EME1: variants seen among roughly 807,000 people sequenced by gnomAD.
The protein encoded by EME1 is structure-specific endonuclease subunit EME1.
Under a neutral mutation model 59.1 loss-of-function variants are expected in EME1, and 61 were observed. The observed-to-expected ratio is 1.03, with a 90% CI of 0.84 to 1.28. The LOEUF (loss-of-function observed/expected upper bound fraction) is 1.28, where lower values mean the gene tolerates loss of function less well. EME1 is among the 50% of genes most tolerant of loss of function. The pLI, the probability that EME1 is intolerant of heterozygous loss-of-function variation, is 0.00. For synonymous variants in EME1, 230 were observed against 254.2 expected, an observed-to-expected ratio of 0.90 and a Z score of 0.90; for missense variants, 635 against 682.6, an observed-to-expected ratio of 0.93 and a Z score of 0.78.
rs1348379223 is a variant in EME1, at chr17:50,381,261, A to G, written c.*322A>G. 7.2e-6 allele frequency: 2 copies of G among 276,700 alleles called. No individual in the cohort carries two copies. The highest frequency in any genetic ancestry group is 1.4e-4 in the East Asian group (2 of 14,000). 17.1% of individuals were successfully genotyped at this position (276,700 alleles called of 1,614,324 possible). ...AGTCCACTCAGACACTTATTTAATA[A>G]CTGTAGAAATCCAAAAGAATTAGCA... is the stretch of plus-strand genomic sequence containing the variant. On this transcript the variant is annotated 3_prime_UTR_variant, in exon 9 of 9. Transcript: ENST00000338165.
chr17:50,378,444 ACT>A (rs892978247), intron 3 of EME1, 149 bp from the exon 4 acceptor site: 2 of 742,716 alleles, frequency 2.7e-6, no homozygotes, highest in African/African-American at 1.7e-5. Flanking sequence ...GGACAGCGAC[ACT>A]GTTTCTTGCC....
Position 50,373,248 on chromosome 17 carries a change from C to A in EME1, c.-54C>A. 1.3e-6 allele frequency: 2 copies of A among 1,579,106 alleles called. No homozygotes were observed. Among genetic ancestry groups the A allele is most frequent in the Non-Finnish European group, 1.7e-6 (2 of 1,156,362 alleles). On this transcript the variant is annotated 5_prime_UTR_variant, in exon 1 of 9. Coordinates refer to ENST00000338165, the MANE Select transcript of EME1 (RefSeq NM_152463.4). ...AGATCTACTTCCGGGCCCTGCGTGG[C>A]AGTTGAAAGAGTGGCGGGAGAAGTT...
At position 50,376,274 on chromosome 17, in the gene EME1, C is replaced by T. The variant is rs1913468214; in HGVS notation, c.903+81C>T. The stretch of plus-strand genomic sequence containing the variant: ...AAATATGCTTTTATTTTAAAGGATA[C>T]TTATCAGGGCCCCAGCAGGAAGACA... On this transcript the variant is annotated intron_variant, in intron 3 of 8. Transcript: ENST00000338165. The T allele has an allele frequency of 5.1e-6, 8 of 1,561,328 alleles. No homozygotes were observed. In the African/African-American group the frequency reaches 8.1e-5, roughly 16 times the overall value.
At chr17:50,379,031 G>T (rs950555948) in intron 5 of EME1, 76 bp from the exon 6 acceptor site, 4 of 1,613,208 alleles carry the variant, frequency 2.5e-6, no homozygotes, top group Non-Finnish European at 3.4e-6. Context: ...GGGATGCTCT[G>T]GTCCAGTCTT....
In EME1 at chr17:50,380,438, A is replaced by G. The variant is rs1913749981; in HGVS notation, c.1473A>G (p.Arg491=). Residue 491 remains arginine, a synonymous_variant, in exon 8 of 9, where the codon CGA becomes CGG. Coordinates refer to ENST00000338165, the MANE Select transcript of EME1 (RefSeq NM_152463.4). ...GGAGACAGATTCAGCAGCTGAACCGAGTCAGCCTGGAAATGGCCAGTGCAG... is the reference window on the plus strand; with the variant it reads ...GGAGACAGATTCAGCAGCTGAACCGGGTCAGCCTGGAAATGGCCAGTGCAG... ...VWRRQIQQLN[R]VSLEMASAVV... 6.2e-7 allele frequency: 1 copy of G among 1,614,038 alleles called. No individual in the cohort carries two copies. Among genetic ancestry groups the G allele is most frequent in the Admixed American group, 1.7e-5 (1 of 60,008 alleles).
chr17:50,373,309 G>A (rs1913258104), intron 1 of EME1, 32 bp downstream of exon 1: 1 of 1,189,272 alleles, frequency 8.4e-7, no homozygotes, highest in Non-Finnish European at 1.2e-6. Flanking sequence ...CCTGCGGATT[G>A]GGCAGGGCTT....
intron 8 of EME1, 34 bp downstream of exon 8, chr17:50,380,535 A>G: frequency 1.2e-6 from 2 of 1,604,770 alleles, no homozygotes; most frequent in Non-Finnish European, 1.7e-6. Flanking sequence ...GTCACTGCCC[A>G]TTGCCTGCGG....
chr17:50,374,817 G>A (rs756681425), intron 1 of EME1, among the ~76,000 whole-genome samples: 6 of 151,804 alleles, frequency 4.0e-5, no homozygotes, highest in Admixed American at 1.3e-4. Context: ...GCACTCCAAC[G>A]TGGGTGCCAG....
intron 1 of EME1, 105 bp downstream of exon 1, chr17:50,373,382 A>G: frequency 1.6e-6 from 1 of 635,220 alleles, no homozygotes; most frequent in Non-Finnish European, 2.7e-6. Context: ...TCTGCAGCGG[A>G]CCGCCAGCCT....
chr17:50,380,949 T>A lies in EME1; in HGVS notation c.*10T>A, dbSNP rs773003922. On this transcript the variant is annotated 3_prime_UTR_variant, in exon 9 of 9. Transcript: ENST00000338165. ...AGATAGTGCTGACTGATTCTAGCCC[T>A]CAGGGATGAGGATGAAAAGCTGGAA... is the stretch of plus-strand genomic sequence containing the variant. The A allele has an allele frequency of 1.9e-6, 3 of 1,612,590 alleles. No individual in the cohort carries two copies. The highest frequency in any genetic ancestry group is 2.5e-6 in the Non-Finnish European group (3 of 1,178,746).
At position 50,379,432 on chromosome 17, in the gene EME1, C is replaced by T. The variant is rs370806303; in HGVS notation, c.1231-20C>T. On this transcript the variant is annotated intron_variant, in intron 6 of 8. Transcript: ENST00000338165. ...GTCTCTTCCTACCCTTCCAGTCCAT[C>T]GTTGCTTTTGGGTTTCTAGGCATTG... 90 of 1,612,074 alleles carry T rather than the reference C, an allele frequency of 5.6e-5. No individual in the cohort carries two copies. The highest frequency in any genetic ancestry group is 5.3e-4 in the African/African-American group (40 of 75,012).
intron 1 of EME1, among the ~76,000 whole-genome samples, chr17:50,374,200 G>A (rs75877386): frequency 0.19 from 29,519 of 152,082 alleles, 3,222 homozygotes; most frequent in Middle Eastern, 0.3. Flanking sequence ...CTTTTAAAAG[G>A]ATATTATGCT....
At chr17:50,379,855 T>A in intron 7 of EME1, 1 of 398,200 alleles carries the variant, frequency 2.5e-6, no homozygotes, top group Non-Finnish European at 4.6e-6. Flanking sequence ...ACAGGTCAGA[T>A]CACAATGTAA....
At chr17:50,376,651 A>G (rs778367214) in intron 3 of EME1, among the ~76,000 whole-genome samples, 47 of 152,294 alleles carry the variant, frequency 3.1e-4, no homozygotes, top group South Asian at 6.2e-4. Context: ...TACCATCCCT[A>G]TGCCTGAAGG....
Position 50,378,699 on chromosome 17 carries a change from G to A in EME1, c.990+18G>A, listed in dbSNP as rs762862219. The A allele has an allele frequency of 1.2e-6, 2 of 1,614,214 alleles. No individual in the cohort carries two copies. Among genetic ancestry groups the A allele is most frequent in the East Asian group, 4.5e-5 (2 of 44,882 alleles). On this transcript the variant is annotated intron_variant, in intron 4 of 8. Coordinates refer to ENST00000338165, the MANE Select transcript of EME1 (RefSeq NM_152463.4). ...GAAAGCAGGTGGGCAGAGCCAGAGG[G>A]TGGGAGGACACGGAACAGAGGGCTG... is the stretch of plus-strand genomic sequence containing the variant.
intron 3 of EME1, among the ~76,000 whole-genome samples, chr17:50,377,439 C>T (rs993688147): frequency 3.9e-5 from 6 of 152,192 alleles, no homozygotes; most frequent in Non-Finnish European, 7.3e-5. Context: ...AATCAGAAAA[C>T]TTTCTATCAA....
rs529245469 is a variant in EME1 at position 50,375,967 on chromosome 17, T to C, written c.759T>C (p.Ile253=). 2.0e-5 allele frequency: 32 copies of C among 1,606,674 alleles called. No homozygotes were observed. The highest frequency in any genetic ancestry group is 2.6e-5 in the Non-Finnish European group (31 of 1,175,072). ...CAGAGGAATGCTTAAAACACATCAT[T>C]GTAGTGCTGGATCCAGGTCCTCACA... ...QRPEECLKHI[I]VVLDPVLLQM... Residue 253 remains isoleucine (I), a synonymous_variant, in exon 2 of 9, where the codon ATT becomes ATC. Transcript: ENST00000338165.
At position 50,378,132 on chromosome 17, in the gene EME1, T is replaced by C. The variant is rs141358426; in HGVS notation, c.904-463T>C. Among the ~76,000 whole-genome samples, 665 of 150,804 alleles carry C rather than the reference T, an allele frequency of 4.4e-3. 3 individuals carry two copies. Among genetic ancestry groups the C allele is most frequent in the Admixed American group, 8.1e-3 (122 of 15,048 alleles). On this transcript the variant is annotated intron_variant, in intron 3 of 8. Coordinates refer to ENST00000338165, the MANE Select transcript of EME1 (RefSeq NM_152463.4). ...GCCAGGTTGGGGTGCAGTGTTATGA[T>C]CTCGGCTCACTGCAACCTCCACCTC... is the stretch of plus-strand genomic sequence containing the variant.
In EME1 at chr17:50,376,085, T is replaced by C. The variant is rs148513529; in HGVS notation, c.795T>C (p.Gly265=). ...VLDPVLLQME[G]GGQLLGALQT... ...TTGCAGTGCTCTTACAGATGGAAGGTGGGGGCCAGCTCCTAGGAGCACTGC... is the reference window on the plus strand; with the variant it reads ...TTGCAGTGCTCTTACAGATGGAAGGCGGGGGCCAGCTCCTAGGAGCACTGC... The change falls in exon 3 of 9, where the codon GGT becomes GGC. Residue 265 remains glycine (G), a synonymous_variant. Transcript: ENST00000338165. The C allele has an allele frequency of 1.9e-6, 3 of 1,613,734 alleles. No homozygotes were observed. Among genetic ancestry groups the C allele is most frequent in the Admixed American group, 1.7e-5 (1 of 60,016 alleles).
Sources: allele counts gnomAD v4.1 joint callset (sites outside exome capture counted in the v4.1 genomes callset), GRCh38; gene constraint gnomAD v4.1.1; transcripts MANE v1.5; gene names NCBI Gene and HGNC (gene_info 2026-07-23, HGNC 2026-07-21).